Variants in PTPRD observed in about 807,000 individuals in gnomAD.
PTPRD encodes protein tyrosine phosphatase receptor type D.
A neutral mutation model predicts 214.5 loss-of-function variants in PTPRD; 34 were observed. The ratio of observed to expected loss-of-function variants is 0.16; its 90% CI spans 0.12 to 0.21. The LOEUF (loss-of-function observed/expected upper bound fraction) is 0.21, where lower values mean the gene tolerates loss of function less well. Among genes scored for constraint, PTPRD ranks in the 10% least tolerant of loss-of-function variants. The pLI is 1.00. For missense variants in PTPRD, 2,545 were observed against 2,398.7 expected, an observed-to-expected ratio of 1.06 and a Z score of -1.27; for synonymous variants, 1,128 against 845.7, an observed-to-expected ratio of 1.33 and a Z score of -5.79.
chr9:8,891,737 G>T (rs1172687921), intron 11 of PTPRD, among the ~76,000 whole-genome samples: 2 of 152,090 alleles, frequency 1.3e-5, no homozygotes, highest in Non-Finnish European at 2.9e-5. Context: ...CCTTTGTCAT[G>T]AGTAAATGCA....
intron 38 of PTPRD, among the ~76,000 whole-genome samples, chr9:8,376,387 T>A (rs575987028): frequency 6.6e-6 from 1 of 152,092 alleles, no homozygotes; most frequent in Non-Finnish European, 1.5e-5. Flanking sequence ...CTACTCTTCA[T>A]TGGCTGAAAC....
intron 9 of PTPRD, among the ~76,000 whole-genome samples, chr9:9,188,517 T>A (rs1031513985): frequency 3.3e-5 from 5 of 152,052 alleles, no homozygotes; most frequent in African/African-American, 1.2e-4. Flanking sequence ...TCTTTGCCAA[T>A]AGTTGGTAGA....
At chr9:10,348,378 C>A (rs942634121) in intron 2 of PTPRD, among the ~76,000 whole-genome samples, 1 of 152,080 alleles carries the variant, frequency 6.6e-6, no homozygotes, top group Non-Finnish European at 1.5e-5. Context: ...TAGAAAACAG[C>A]ATTTAGAGGG....
At chr9:10,122,964 G>A (rs76594257) in intron 3 of PTPRD, among the ~76,000 whole-genome samples, 3,750 of 152,298 alleles carry the variant, frequency 0.025, 171 homozygotes, top group African/African-American at 0.084. Context: ...GCCTTTAAGC[G>A]GCCCGCTTGT....
At chr9:8,742,906 T>C (rs1188877244) in intron 11 of PTPRD, among the ~76,000 whole-genome samples, 1 of 152,036 alleles carries the variant, frequency 6.6e-6, no homozygotes, top group Non-Finnish European at 1.5e-5. Context: ...CTAGAGACAA[T>C]TTTTGTTGTC....
At chr9:9,479,731 AAAAACAAAACAAAAC>A in intron 8 of PTPRD, among the ~76,000 whole-genome samples, 1 of 150,126 alleles carries the variant, frequency 6.7e-6, no homozygotes, top group East Asian at 2.0e-4. Context: ...CAGCAAAAAC[AAAAACAAAACAAAAC>A]AAAACAAAAC....
At chr9:8,547,985 T>C (rs966882912) in intron 14 of PTPRD, among the ~76,000 whole-genome samples, 3 of 152,146 alleles carry the variant, frequency 2.0e-5, no homozygotes, top group African/African-American at 7.2e-5. Context: ...AGTTGTACCA[T>C]GTAAGGTGAA....
chr9:8,759,487 C>A, intron 11 of PTPRD, among the ~76,000 whole-genome samples: 1 of 152,094 alleles, frequency 6.6e-6, no homozygotes, highest in East Asian at 1.9e-4. Context: ...TCTTCTGAAT[C>A]CTGTGAGACC....
chr9:8,532,144 A>C (rs2075851918), intron 14 of PTPRD, among the ~76,000 whole-genome samples: 1 of 152,028 alleles, frequency 6.6e-6, no homozygotes, highest in Admixed American at 6.6e-5. Context: ...TTCTTCGTTA[A>C]ATTTTCATGA....
At chr9:9,078,252 G>A (rs1254732962) in intron 10 of PTPRD, among the ~76,000 whole-genome samples, 1 of 152,080 alleles carries the variant, frequency 6.6e-6, no homozygotes, top group African/African-American at 2.4e-5. Context: ...TATTGAATTT[G>A]AAAACAGTTT....
At chr9:9,826,886 G>T (rs959792967) in intron 5 of PTPRD, among the ~76,000 whole-genome samples, 2 of 152,026 alleles carry the variant, frequency 1.3e-5, no homozygotes, top group African/African-American at 4.8e-5. Context: ...CAAATCATGA[G>T]TGAACTCACA....
At chr9:8,977,450 C>A (rs1347616595) in intron 11 of PTPRD, among the ~76,000 whole-genome samples, 1 of 152,076 alleles carries the variant, frequency 6.6e-6, no homozygotes, top group Non-Finnish European at 1.5e-5. Context: ...ACCTATGCCT[C>A]ATTTAAACTA....
intron 10 of PTPRD, among the ~76,000 whole-genome samples, chr9:9,133,916 G>C (rs938974013): frequency 3.9e-5 from 6 of 152,076 alleles, no homozygotes; most frequent in Non-Finnish European, 7.4e-5. Context: ...ACTCTATACA[G>C]CTTGAGCAAG....
At chr9:9,934,127 G>T (rs966054997) in intron 5 of PTPRD, among the ~76,000 whole-genome samples, 3 of 149,536 alleles carry the variant, frequency 2.0e-5, no homozygotes, top group African/African-American at 7.7e-5. Flanking sequence ...GAGAAAGCAG[G>T]TAAGATCCAA....
In PTPRD at chr9:8,594,513, T is replaced by C. The variant is rs189347182; in HGVS notation, c.352+38804A>G. The stretch of plus-strand genomic sequence containing the variant: ...TTGATACGGTTTGGCTGTGTCCCCA[T>C]CCAAATCTCATCTTGAATTGTAATC... On this transcript the variant is annotated intron_variant, in intron 14 of 45. Transcript: ENST00000381196. 5.7e-3 allele frequency among the ~76,000 whole-genome samples: 870 copies of C among 152,204 alleles called. 7 individuals carry two copies. The highest frequency in any genetic ancestry group is 0.02 in the African/African-American group (825 of 41,524).
chr9:10,385,448 G>A (rs939535233), intron 2 of PTPRD, among the ~76,000 whole-genome samples: 10 of 151,750 alleles, frequency 6.6e-5, no homozygotes, highest in African/African-American at 2.2e-4. Context: ...AGCAAAAAAT[G>A]TATCTATATA....
At chr9:8,649,607 T>C (rs1359925207) in intron 12 of PTPRD, among the ~76,000 whole-genome samples, 1 of 152,238 alleles carries the variant, frequency 6.6e-6, no homozygotes, top group Non-Finnish European at 1.5e-5. Context: ...AGAAGTGTAT[T>C]ATAAGAAATC....
chr9:8,682,645 G>T (rs538911267), intron 12 of PTPRD, among the ~76,000 whole-genome samples: 1 of 152,228 alleles, frequency 6.6e-6, no homozygotes, highest in East Asian at 1.9e-4. Context: ...AGTGTAGCAG[G>T]TGATGTACAA....
chr9:10,457,043 A>T (rs2098923297), intron 2 of PTPRD, among the ~76,000 whole-genome samples: 2 of 151,980 alleles, frequency 1.3e-5, no homozygotes, highest in African/African-American at 4.8e-5. Context: ...AATGTCAGAA[A>T]AAATATTGTA....
Sources: gnomAD v4.1 joint callset for allele counts (sites outside exome capture counted in the v4.1 genomes callset) on GRCh38, gnomAD v4.1.1 for gene constraint, MANE v1.5 for transcripts, NCBI Gene and HGNC (gene_info 2026-07-23, HGNC 2026-07-21) for gene names.